The following LRRC4C variants were observed in gnomAD, a reference collection of about 807,000 sequenced individuals.
LRRC4C encodes leucine-rich repeat-containing protein 4C.
A neutral mutation model predicts 33.6 loss-of-function variants in LRRC4C; 5 were observed. The ratio of observed to expected loss-of-function variants is 0.15; its 90% confidence interval spans 0.08 to 0.31. The LOEUF is 0.31. Ranked by LOEUF, LRRC4C falls within the 10% of genes least tolerant of loss-of-function variation. The pLI, the probability that LRRC4C is intolerant of heterozygous loss-of-function variation, is 1.00. For synonymous variants in LRRC4C, 329 were observed against 302.0 expected (o/e 1.09, Z -0.93); for missense variants, 560 against 796.7 (o/e 0.70, Z 3.58).
At chr11:40,864,074 A>G (rs1954235159) in intron 2 of LRRC4C, among the ~76,000 whole-genome samples, 1 of 151,760 alleles carries the variant, frequency 6.6e-6, no homozygotes, top group African/African-American at 2.4e-5. Flanking sequence ...TTATTTATTT[A>G]TTTTTGTTTT....
At chr11:40,487,744 T>G (rs577596784) in intron 3 of LRRC4C, among the ~76,000 whole-genome samples, 1 of 152,260 alleles carries the variant, frequency 6.6e-6, no homozygotes, top group African/African-American at 2.4e-5. Context: ...ATATAATCGT[T>G]AAACTGTACA....
At chr11:41,418,486 T>C (rs1013587416) in intron 1 of LRRC4C, among the ~76,000 whole-genome samples, 1 of 152,112 alleles carries the variant, frequency 6.6e-6, no homozygotes, top group East Asian at 1.9e-4. Flanking sequence ...CTATGTTCTG[T>C]ACTTAAGCCT....
At chr11:40,921,844 G>A (rs532425249) in intron 2 of LRRC4C, among the ~76,000 whole-genome samples, 1 of 152,178 alleles carries the variant, frequency 6.6e-6, no homozygotes. Context: ...CTAGACTACT[G>A]TAAATTTGCA....
chr11:41,181,964 C>T (rs1159222125), intron 1 of LRRC4C, among the ~76,000 whole-genome samples: 6 of 152,264 alleles, frequency 3.9e-5, no homozygotes, highest in Non-Finnish European at 8.8e-5. Flanking sequence ...ACCATTCCAG[C>T]AGCCATTAAA....
intron 1 of LRRC4C, among the ~76,000 whole-genome samples, chr11:41,034,640 A>ATATATAT (rs1565321331): frequency 4.2e-4 from 50 of 119,136 alleles, no homozygotes; most frequent in South Asian, 8.4e-4. Context: ...TATATATATG[A>ATATATAT]GGTGAGAGTT....
intron 3 of LRRC4C, among the ~76,000 whole-genome samples, chr11:40,519,925 C>A (rs1397465372): frequency 6.6e-6 from 1 of 152,180 alleles, no homozygotes; most frequent in Admixed American, 6.5e-5. Flanking sequence ...GCCAGAATAT[C>A]CATGTAGACA....
At chr11:41,292,724 A>C (rs1203862553) in intron 1 of LRRC4C, among the ~76,000 whole-genome samples, 1 of 152,156 alleles carries the variant, frequency 6.6e-6, no homozygotes, top group Non-Finnish European at 1.5e-5. Context: ...TCCCTGATTT[A>C]TGTATCATCT....
intron 3 of LRRC4C, among the ~76,000 whole-genome samples, chr11:40,554,502 G>C (rs1206507218): frequency 6.6e-6 from 1 of 152,028 alleles, no homozygotes; most frequent in Non-Finnish European, 1.5e-5. Context: ...TGTAAAAAAT[G>C]ATGTTGTGAT....
chr11:40,397,914 T>C (rs1949605996), intron 3 of LRRC4C, among the ~76,000 whole-genome samples: 1 of 152,122 alleles, frequency 6.6e-6, no homozygotes, highest in South Asian at 2.1e-4. Flanking sequence ...TAGAAGTCAA[T>C]TTGTAATTTG....
intron 1 of LRRC4C, among the ~76,000 whole-genome samples, chr11:41,065,030 C>T (rs1399842714): frequency 1.3e-5 from 2 of 152,042 alleles, no homozygotes; most frequent in Non-Finnish European, 2.9e-5. Flanking sequence ...ACTACAGCGG[C>T]GCCTGGTACT....
intron 1 of LRRC4C, among the ~76,000 whole-genome samples, chr11:41,215,313 C>G (rs1188869272): frequency 1.3e-5 from 2 of 151,674 alleles, no homozygotes; most frequent in South Asian, 2.1e-4. Context: ...CATGGTGAAA[C>G]CCTGCCTCTA....
chr11:41,402,343 A>G (rs1377576224), intron 1 of LRRC4C, among the ~76,000 whole-genome samples: 2 of 152,034 alleles, frequency 1.3e-5, no homozygotes, highest in Non-Finnish European at 1.5e-5. Context: ...TAGAAAAATA[A>G]AATGAGAATA....
rs183420918 is a variant in LRRC4C, at chr11:40,853,803, C to A, written c.-407+79832G>T. ...TTAGTGCACAGAACTGAGTCAGTTG[C>A]CGTGATAGCAAATAACATCACATTA... On this transcript the variant is annotated intron_variant, in intron 2 of 6. Coordinates refer to ENST00000528697, the MANE Select transcript of LRRC4C (RefSeq NM_001258419.2). Among the ~76,000 whole-genome samples the A allele has an allele frequency of 3.4e-4, 52 of 152,220 alleles. 1 individual carries two copies. In the East Asian group the frequency reaches 9.9e-3, roughly 29 times the overall value.
intron 3 of LRRC4C, among the ~76,000 whole-genome samples, chr11:40,492,935 A>G (rs561380205): frequency 1.3e-5 from 2 of 152,210 alleles, no homozygotes; most frequent in East Asian, 1.9e-4. Context: ...ATTTTATACT[A>G]TCACCTTTAA....
At chr11:40,267,259 T>C (rs1017732488) in intron 4 of LRRC4C, among the ~76,000 whole-genome samples, 1 of 152,206 alleles carries the variant, frequency 6.6e-6, no homozygotes, top group African/African-American at 2.4e-5. Context: ...CTTACTAAGT[T>C]GTAACTGAAT....
intron 1 of LRRC4C, among the ~76,000 whole-genome samples, chr11:41,159,756 A>T (rs938182472): frequency 1.3e-5 from 2 of 152,118 alleles, no homozygotes; most frequent in Admixed American, 1.3e-4. Flanking sequence ...ACATAAAGAG[A>T]GATACACTTT....
intron 1 of LRRC4C, among the ~76,000 whole-genome samples, chr11:41,161,107 C>G (rs533254628): frequency 6.6e-6 from 1 of 152,048 alleles, no homozygotes; most frequent in East Asian, 1.9e-4. Context: ...TCAAGAAAAA[C>G]AAATGCCCAT....
At chr11:40,661,016 A>G (rs142848637) in intron 2 of LRRC4C, among the ~76,000 whole-genome samples, 2 of 152,280 alleles carry the variant, frequency 1.3e-5, no homozygotes, top group African/African-American at 4.8e-5. Context: ...TTTTTATTGC[A>G]TTTGTGTCAC....
chr11:41,033,510 C>G (rs1856844491), intron 1 of LRRC4C, among the ~76,000 whole-genome samples: 1 of 151,562 alleles, frequency 6.6e-6, no homozygotes, highest in African/African-American at 2.4e-5. Flanking sequence ...TACAGGGTGA[C>G]CATTTCATCC....
Sources: allele counts gnomAD v4.1 joint callset (sites outside exome capture counted in the v4.1 genomes callset), GRCh38; gene constraint gnomAD v4.1.1; transcripts MANE v1.5; gene names NCBI Gene and HGNC (gene_info 2026-07-23, HGNC 2026-07-21).